SIM2: variants seen among roughly 807,000 people sequenced by gnomAD.
The protein encoded by SIM2 is SIM bHLH transcription factor 2.
SIM2 carries 28 observed loss-of-function variants against 64.8 expected under a neutral mutation model. The observed-to-expected ratio is 0.43, with a 90% CI of 0.32 to 0.59. The LOEUF (loss-of-function observed/expected upper bound fraction) is 0.59. Ranked by LOEUF, SIM2 falls within the 20% of genes least tolerant of loss-of-function variation. The pLI is 0.07. For synonymous variants in SIM2, 408 were observed against 391.1 expected (o/e 1.04, Z -0.51); for missense variants, 847 against 871.4 (o/e 0.97, Z 0.35).
At chr21:36,729,706 C>G (rs1217422043) in intron 6 of SIM2, among the ~76,000 whole-genome samples, 2 of 152,146 alleles carry the variant, frequency 1.3e-5, no homozygotes. Flanking sequence ...CTTCATCCCT[C>G]TCTCTTTCAT....
intron 2 of SIM2, 84 bp from the exon 3 acceptor site, chr21:36,712,449 C>T: frequency 2.2e-6 from 2 of 921,680 alleles, no homozygotes; most frequent in South Asian, 3.0e-5. Context: ...TGATGCATCC[C>T]TCCATCCCAG....
rs2089212609 is a variant in SIM2, at chr21:36,745,061, A to G, written c.1501A>G (p.Ser501Gly). The G allele has an allele frequency of 6.2e-7, 1 of 1,613,508 alleles. No individual in the cohort carries two copies. Among genetic ancestry groups the G allele is most frequent in the African/African-American group, 1.3e-5 (1 of 74,946 alleles). Residue 501 changes from serine (S) to glycine (G), a missense_variant, in exon 10 of 11, where the codon AGC becomes GGC. By Grantham distance (56) the Ser-to-Gly change is moderately conservative. Around this residue, in one of 3 missense-constraint regions of SIM2, gnomAD observed 447 missense variants for 414.6 expected, o/e 1.08. Coordinates refer to ENST00000290399, the MANE Select transcript of SIM2 (RefSeq NM_005069.6). This position sits in a 1 kb window ranked among gnomAD's most constrained non-coding sequence, Gnocchi z 4.8. Reference sequence around the variant, plus strand: ...TTATGCCAACCCCCTAGTGCCTAGCAGCTCGTCTCCAGCTAAAAATCCTCC... The same window carrying G: ...TTATGCCAACCCCCTAGTGCCTAGCGGCTCGTCTCCAGCTAAAAATCCTCC... ...WHYANPLVPS[S>G]SSPAKNPPEP...
rs780625064 is a variant in SIM2, at chr21:36,748,984, C to T, written c.*892C>T. 6.6e-6 allele frequency: 1 copy of T among 152,552 alleles called. No individual in the cohort carries two copies. The highest frequency in any genetic ancestry group is 1.5e-5 in the Non-Finnish European group (1 of 68,034). The allele number at this position is 152,552 out of a possible 1,614,324, so 9.4% of individuals were successfully genotyped here. On this transcript the variant is annotated 3_prime_UTR_variant, in exon 11 of 11. Coordinates refer to ENST00000290399, the MANE Select transcript of SIM2 (RefSeq NM_005069.6). ...ATAGTGCTAATAAAGTTAAATTGCA[C>T]GTGCAATACGGAACACTGTCAATGG...
intron 3 of SIM2, among the ~76,000 whole-genome samples, chr21:36,719,491 T>C (rs1053210553): frequency 4.6e-5 from 7 of 152,162 alleles, no homozygotes; most frequent in Non-Finnish European, 1.5e-5. Flanking sequence ...CTCTTCTGTA[T>C]GAAGGATGCT....
intron 7 of SIM2, among the ~76,000 whole-genome samples, chr21:36,736,718 T>C (rs2089053628): frequency 8.3e-6 from 1 of 121,184 alleles, no homozygotes. Flanking sequence ...CTAACTTCCT[T>C]CCCTTCCTTC....
Position 36,712,918 on chromosome 21 carries a change from G to A in SIM2, c.348+296G>A, listed in dbSNP as rs574970757. On this transcript the variant is annotated intron_variant, in intron 3 of 10. Transcript: ENST00000290399. ...CCGGACTATCTGCTTATGTAGTAATGCTAGATGCCCTGAAAAGAGCTCCAC... is the reference window on the plus strand; with the variant it reads ...CCGGACTATCTGCTTATGTAGTAATACTAGATGCCCTGAAAAGAGCTCCAC... 2.0e-5 allele frequency among the ~76,000 whole-genome samples: 3 copies of A among 152,264 alleles called. No homozygotes were observed. In the East Asian group the frequency reaches 5.8e-4, roughly 29 times the overall value.
rs2123527889 is a variant in SIM2, at chr21:36,749,894, A to C, written c.*1802A>C. The C allele has an allele frequency of 6.6e-6, 1 of 152,350 alleles. No individual in the cohort carries two copies. The highest frequency in any genetic ancestry group is 1.9e-4 in the East Asian group (1 of 5,196). 9.4% of individuals were successfully genotyped at this position (152,350 alleles called of 1,614,324 possible). A position where few individuals can be genotyped will look rare whatever the true frequency, so the allele number is the denominator to read the frequency against. On this transcript the variant is annotated 3_prime_UTR_variant, in exon 11 of 11. Coordinates refer to ENST00000290399, the MANE Select transcript of SIM2 (RefSeq NM_005069.6). ...ATAACAAAGGTTACTGTTGAGAAAAAAGACCCTATCATAGATTTACAAGTG... is the reference window on the plus strand; with the variant it reads ...ATAACAAAGGTTACTGTTGAGAAAACAGACCCTATCATAGATTTACAAGTG...
intron 10 of SIM2, chr21:36,746,134 C>T: frequency 3.1e-6 from 1 of 326,412 alleles, no homozygotes; most frequent in Non-Finnish European, 5.0e-6. Flanking sequence ...TGCCAACAAG[C>T]TGAAACCCCA....
intron 1 of SIM2, among the ~76,000 whole-genome samples, chr21:36,704,951 G>T (rs1339078143): frequency 6.6e-6 from 1 of 152,244 alleles, no homozygotes; most frequent in Non-Finnish European, 1.5e-5. Flanking sequence ...ATTGAAGCGT[G>T]CAGAGGCGCC....
chr21:36,719,785 G>A, intron 3 of SIM2, 36 bp from the exon 4 acceptor site: 1 of 1,293,914 alleles, frequency 7.7e-7, no homozygotes. Flanking sequence ...ATCCCAGAGA[G>A]GCGGTGGCAT....
At chr21:36,709,515 CA>C in intron 2 of SIM2, 3 of 630,856 alleles carry the variant, frequency 4.8e-6, no homozygotes. Flanking sequence ...AGACCTACGC[CA>C]GGGGCGCCTC....
chr21:36,747,862 C>T lies in SIM2; in HGVS notation c.1774C>T (p.Pro592Ser). ...APPTPEAPGA[P>S]AQLPFVLLNY... ...CCCGACCCCCGAGGCCCCGGGCGCGCCGGCGCAGCTGCCCTTCGTGCTGCT... is the reference window on the plus strand; with the variant it reads ...CCCGACCCCCGAGGCCCCGGGCGCGTCGGCGCAGCTGCCCTTCGTGCTGCT... The change falls in exon 11 of 11, where the codon CCG becomes TCG. Residue 592 changes from proline (P) to serine (S), a missense_variant. By Grantham distance (74) the Pro-to-Ser change is moderately conservative (BLOSUM62 -1). Transcript: ENST00000290399. This position sits in a 1 kb window ranked among gnomAD's most constrained non-coding sequence, Gnocchi z 4.5. 1 of 1,044,798 alleles carries T rather than the reference C, an allele frequency of 9.6e-7. No homozygotes were observed. The highest frequency in any genetic ancestry group is 1.2e-6 in the Non-Finnish European group (1 of 865,676). 64.7% of individuals were successfully genotyped at this position (1,044,798 alleles called of 1,614,324 possible). A position where few individuals can be genotyped will look rare whatever the true frequency, so the allele number is the denominator to read the frequency against.
chr21:36,711,130 G>C (rs888469986), intron 2 of SIM2, among the ~76,000 whole-genome samples: 21 of 152,116 alleles, frequency 1.4e-4, no homozygotes, highest in African/African-American at 5.1e-4. Context: ...TTTCCATTAA[G>C]AATATTATTT....
intron 3 of SIM2, among the ~76,000 whole-genome samples, chr21:36,713,925 C>T (rs2088710359): frequency 6.6e-6 from 1 of 152,222 alleles, no homozygotes; most frequent in African/African-American, 2.4e-5. Context: ...AACCAAGTCT[C>T]CCAAATACAG....
chr21:36,738,837 G>A (rs2254456), intron 7 of SIM2, among the ~76,000 whole-genome samples: 1 of 152,128 alleles, frequency 6.6e-6, no homozygotes, highest in East Asian at 1.9e-4. Context: ...CTATACCCTT[G>A]AGCAGTGATC....
chr21:36,726,738 G>A lies in SIM2; in HGVS notation c.743+420G>A, dbSNP rs765320514. On this transcript the variant is annotated intron_variant, in intron 6 of 10. Coordinates refer to ENST00000290399, the MANE Select transcript of SIM2 (RefSeq NM_005069.6). The surrounding 1 kb of genome is among the most constrained non-coding windows in gnomAD (Gnocchi z 4.5). ...AACAGAAAATTTCCACCCTGTGTGC[G>A]GTGTGTGGGGGGCCTTGGCACTCAG... Among the ~76,000 whole-genome samples the A allele has an allele frequency of 2.0e-5, 3 of 152,174 alleles. No homozygotes were observed. Among genetic ancestry groups the A allele is most frequent in the African/African-American group, 4.8e-5 (2 of 41,438 alleles).
chr21:36,716,089 A>G (rs2123442706), intron 3 of SIM2, among the ~76,000 whole-genome samples: 1 of 152,360 alleles, frequency 6.6e-6, no homozygotes, highest in Admixed American at 6.5e-5. Context: ...ACACGTGTCC[A>G]CACACAAAGC....
chr21:36,731,465 G>A (rs964892695), intron 7 of SIM2, among the ~76,000 whole-genome samples: 2 of 152,220 alleles, frequency 1.3e-5, no homozygotes, highest in Non-Finnish European at 2.9e-5. Context: ...AACAGCAACA[G>A]TGGAAGACTG....
At chr21:36,744,106 C>T (rs1036302690) in intron 9 of SIM2, among the ~76,000 whole-genome samples, 2 of 151,950 alleles carry the variant, frequency 1.3e-5, no homozygotes, top group Non-Finnish European at 2.9e-5. Flanking sequence ...AAACTTCGCG[C>T]CTGTAGTCCC....
Sources: gnomAD v4.1 joint callset for allele counts (sites outside exome capture counted in the v4.1 genomes callset) on GRCh38, gnomAD v4.1.1 for gene constraint, gnomAD v4.1.1 regional missense constraint, Gnocchi (gnomAD v3.1) non-coding constraint, MANE v1.5 for transcripts, NCBI Gene and HGNC (gene_info 2026-07-23, HGNC 2026-07-21) for gene names.